The following MAPK8IP3 variants were observed in gnomAD, a reference collection of about 807,000 sequenced individuals.
The protein encoded by MAPK8IP3 is C-Jun-amino-terminal kinase-interacting protein 3.
MAPK8IP3 carries 49 observed loss-of-function variants against 157.8 expected under a neutral mutation model. The ratio of observed to expected loss-of-function variants is 0.31; its 90% confidence interval spans 0.25 to 0.39. The LOEUF (loss-of-function observed/expected upper bound fraction) is 0.39. Ranked by LOEUF, MAPK8IP3 falls within the 10% of genes least tolerant of loss-of-function variation. The probability of loss-of-function intolerance (pLI) is 1.00; values close to 1 mark genes in which losing one functional copy is unlikely to be tolerated. For missense variants in MAPK8IP3, 1,478 were observed against 1,889.4 expected (o/e 0.78, Z 4.04); for synonymous variants, 897 against 777.7 (o/e 1.15, Z -2.55).
intron 1 of MAPK8IP3, among the ~76,000 whole-genome samples, chr16:1,716,626 C>T (rs1343823466): frequency 6.6e-6 from 1 of 151,762 alleles, no homozygotes; most frequent in Non-Finnish European, 1.5e-5. Flanking sequence ...TGAAATTCAC[C>T]GAAAATGCTG....
chr16:1,737,704 G>A (rs2040110640), intron 4 of MAPK8IP3, among the ~76,000 whole-genome samples: 1 of 95,018 alleles, frequency 1.1e-5, no homozygotes, highest in African/African-American at 4.7e-5. Context: ...CCATCCATGT[G>A]AGCATCTGTG....
At chr16:1,762,288 G>T in intron 13 of MAPK8IP3, 63 bp from the exon 14 acceptor site, 1 of 1,506,822 alleles carries the variant, frequency 6.6e-7, no homozygotes. Context: ...GGCACCCCAG[G>T]AGGAAGCAGG....
chr16:1,762,545 C>T (rs1487623850), intron 14 of MAPK8IP3, 64 bp downstream of exon 14: 3 of 1,597,910 alleles, frequency 1.9e-6, no homozygotes, highest in Non-Finnish European at 8.5e-7. Context: ...ACTGCGGCTC[C>T]CTCCTCTGCA....
Position 1,764,398 on chromosome 16 carries a change from CCTGCGACCGCGAAGGAGA to C in MAPK8IP3, c.2221_2238del (p.Cys741_Asp746del). ...CCAGCGCCAGGCCGCGATCCCCTGACCTGCGACCGCGAAGGAGACGGCGAGCCCAAGAGCGCCCACACG... is the reference window on the plus strand; with the variant it reads ...CCAGCGCCAGGCCGCGATCCCCTGACCGGCGAGCCCAAGAGCGCCCACACG... On this transcript the variant is annotated inframe_deletion, in exon 19 of 32. Coordinates refer to ENST00000610761, the MANE Select transcript of MAPK8IP3 (RefSeq NM_001318852.2). 6.2e-7 allele frequency: 1 copy of C among 1,602,180 alleles called. No individual in the cohort carries two copies. Among genetic ancestry groups the C allele is most frequent in the Non-Finnish European group, 8.5e-7 (1 of 1,175,976 alleles).
rs2042158953 is a variant in MAPK8IP3, at chr16:1,764,768, T to C, written c.2281-245T>C. ...TGCCTCCCAGTGGTGGGAGGCTTAG[T>C]TTTATGCCCAGCTTGGGCCTCTTGG... is the stretch of plus-strand genomic sequence containing the variant. On this transcript the variant is annotated intron_variant, in intron 19 of 31. Coordinates refer to ENST00000610761, the MANE Select transcript of MAPK8IP3 (RefSeq NM_001318852.2). Among the ~76,000 whole-genome samples, 3 of 152,068 alleles carry C rather than the reference T, an allele frequency of 2.0e-5. No individual in the cohort carries two copies. In the South Asian group the frequency reaches 6.2e-4, roughly 32 times the overall value.
At chr16:1,709,846 A>G (rs2037652956) in intron 1 of MAPK8IP3, among the ~76,000 whole-genome samples, 1 of 152,212 alleles carries the variant, frequency 6.6e-6, no homozygotes, top group Admixed American at 6.5e-5. Flanking sequence ...GAGAGATGAC[A>G]TGTGAATATT....
intron 19 of MAPK8IP3, among the ~76,000 whole-genome samples, chr16:1,764,744 GC>G (rs1239564843): frequency 6.6e-6 from 1 of 152,202 alleles, no homozygotes; most frequent in East Asian, 1.9e-4. Context: ...GGCAGAGCTT[GC>G]CTCCCAGTGG....
chr16:1,715,871 G>A (rs531464722), intron 1 of MAPK8IP3, among the ~76,000 whole-genome samples: 422 of 151,818 alleles, frequency 2.8e-3, no homozygotes, highest in African/African-American at 9.3e-3. Flanking sequence ...GATCACAGGC[G>A]CCCACCACCA....
chr16:1,756,666 ACAC>A (rs2041618331), intron 8 of MAPK8IP3, among the ~76,000 whole-genome samples: 1 of 142,166 alleles, frequency 7.0e-6, no homozygotes. Context: ...ACACACACAC[ACAC>A]AAATTAGCCG....
In MAPK8IP3 at chr16:1,724,815, C is replaced by A. The variant is rs2038763908; in HGVS notation, c.439+138C>A. The A allele has an allele frequency of 6.0e-5, 68 of 1,124,112 alleles. No individual in the cohort carries two copies. The highest frequency in any genetic ancestry group is 8.0e-5 in the Non-Finnish European group (65 of 810,076). The allele number at this position is 1,124,112 out of a possible 1,614,324, so 69.6% of individuals were successfully genotyped here. ...TGGGAGCCTCAGCCATGTATTCCAG[C>A]TCTTTGTACTGCTGCCTGTTTCTGT... On this transcript the variant is annotated intron_variant, in intron 2 of 31. Coordinates refer to ENST00000610761, the MANE Select transcript of MAPK8IP3 (RefSeq NM_001318852.2). The surrounding 1 kb of genome is among the most constrained non-coding windows in gnomAD (Gnocchi z 4.1).
intron 4 of MAPK8IP3, among the ~76,000 whole-genome samples, chr16:1,738,701 G>A (rs1399108451): frequency 1.5e-5 from 2 of 133,488 alleles, no homozygotes; most frequent in African/African-American, 2.9e-5. Flanking sequence ...GCATCCATGT[G>A]AGCGTGTGAG....
chr16:1,748,883 A>G (rs776890775), intron 8 of MAPK8IP3, 163 bp downstream of exon 8: 1 of 762,098 alleles, frequency 1.3e-6, no homozygotes, highest in East Asian at 2.5e-5. Flanking sequence ...TTGTCCCTCC[A>G]TCTCCACAGG....
At chr16:1,725,564 T>G in intron 2 of MAPK8IP3, among the ~76,000 whole-genome samples, 1 of 149,078 alleles carries the variant, frequency 6.7e-6, no homozygotes, top group South Asian at 2.1e-4. Flanking sequence ...GAGGCGGAGG[T>G]TGCAGTGAGC....
Position 1,762,993 on chromosome 16 carries a change from T to C in MAPK8IP3, c.1885T>C (p.Phe629Leu). 6.2e-7 allele frequency: 1 copy of C among 1,612,808 alleles called. No individual in the cohort carries two copies. The highest frequency in any genetic ancestry group is 8.5e-7 in the Non-Finnish European group (1 of 1,179,958). Residue 629 changes from phenylalanine (F) to leucine (L), a missense_variant, in exon 16 of 32, where the codon TTC (phenylalanine) becomes CTC (leucine). Physicochemically the swap from Phe to Leu is conservative, Grantham distance 22. Around this residue, in one of 11 missense-constraint regions of MAPK8IP3, gnomAD observed 669 missense variants for 759.8 expected, o/e 0.88. Transcript: ENST00000610761. Reference protein sequence around the residue: ...PISAGSRPLEFFPDDDCTSSA... With the variant: ...PISAGSRPLELFPDDDCTSSA... ...CTCGGCAGGCAGCCGGCCCCTGGAA[T>C]TCTTCCCTGACGAGTGAGTGTCCCG...
At chr16:1,739,516 GTCCGTGTGAGCTTCCGTGTGACCA>G (rs2040469312) in intron 4 of MAPK8IP3, among the ~76,000 whole-genome samples, 2 of 129,928 alleles carry the variant, frequency 1.5e-5, no homozygotes, top group Admixed American at 7.6e-5. Context: ...GTGTGTGACC[GTCCGTGTGAGCTTCCGTGTGACCA>G]TCCGTGTGAG....
chr16:1,760,557 G>A (rs114421080), intron 12 of MAPK8IP3, 25 bp downstream of exon 12: 69 of 1,599,888 alleles, frequency 4.3e-5, no homozygotes. Context: ...TGGAAAGCTG[G>A]TCAGAGAGGG....
intron 2 of MAPK8IP3, among the ~76,000 whole-genome samples, chr16:1,726,853 G>A (rs991635831): frequency 1.3e-5 from 2 of 152,208 alleles, no homozygotes; most frequent in Admixed American, 6.5e-5. Flanking sequence ...AGCCTCTCCC[G>A]GGGCCACAGC....
chr16:1,746,907 C>A, intron 5 of MAPK8IP3, 122 bp from the exon 6 acceptor site: 1 of 1,228,196 alleles, frequency 8.1e-7, no homozygotes, highest in Non-Finnish European at 1.1e-6. Context: ...CTCTGGCCCG[C>A]AGGGTGTCGG....
intron 5 of MAPK8IP3, chr16:1,746,533 G>C (rs1301558756): frequency 5.5e-5 from 9 of 163,414 alleles, no homozygotes; most frequent in Non-Finnish European, 1.2e-4. Context: ...ACCTGAGCCC[G>C]GGGAGGAACG....
Sources: allele counts gnomAD v4.1 joint callset (sites outside exome capture counted in the v4.1 genomes callset), GRCh38; gene constraint gnomAD v4.1.1; regional missense constraint gnomAD v4.1.1; non-coding constraint Gnocchi (gnomAD v3.1); transcripts MANE v1.5; gene names NCBI Gene and HGNC (gene_info 2026-07-23, HGNC 2026-07-21).